TUSC3: variants seen among roughly 807,000 people sequenced by gnomAD.
The protein encoded by TUSC3 is tumor suppressor candidate 3.
TUSC3 carries 45 observed loss-of-function variants against 44.8 expected under a neutral mutation model. That is an observed-to-expected ratio of 1.00 (90% confidence interval 0.79 to 1.29). The LOEUF is 1.29. TUSC3 is among the 50% of genes most tolerant of loss of function. The probability of loss-of-function intolerance (pLI) is 0.00; values close to 1 mark genes in which losing one functional copy is unlikely to be tolerated. For missense variants in TUSC3, 519 were observed against 437.9 expected, an observed-to-expected ratio of 1.19 and a Z score of -1.65; for synonymous variants, 212 against 152.9, an observed-to-expected ratio of 1.39 and a Z score of -2.85.
intron 6 of TUSC3, among the ~76,000 whole-genome samples, chr8:15,697,923 A>T (rs926919480): frequency 1.3e-5 from 2 of 152,226 alleles, no homozygotes; most frequent in South Asian, 2.1e-4. Flanking sequence ...AAATTACCTT[A>T]TACAGATTAT....
intron 8 of TUSC3, among the ~76,000 whole-genome samples, chr8:15,746,054 G>C (rs73197186): frequency 6.6e-6 from 1 of 151,904 alleles, no homozygotes; most frequent in Non-Finnish European, 1.5e-5. Flanking sequence ...CAACTTTGTT[G>C]AAGATCAGAT....
intron 1 of TUSC3, among the ~76,000 whole-genome samples, chr8:15,541,334 G>A (rs77443392): frequency 0.017 from 2,616 of 152,320 alleles, 65 homozygotes; most frequent in African/African-American, 0.059. Flanking sequence ...ATCATGGATA[G>A]TTGATCTAGC....
chr8:15,692,381 T>G (rs752282512), intron 6 of TUSC3, among the ~76,000 whole-genome samples: 13,928 of 128,810 alleles, frequency 0.11, 731 homozygotes, highest in East Asian at 0.15. Flanking sequence ...CTTTGTTTTT[T>G]TTTTTTTTTT....
the TUSC3 span, among the ~76,000 whole-genome samples, chr8:15,805,975 A>G: frequency 3.9e-4 from 60 of 152,304 alleles, no homozygotes; most frequent in African/African-American, 1.4e-3. Context: ...TACAAAAACA[A>G]AAAATCAGTT....
downstream of TUSC3, among the ~76,000 whole-genome samples, chr8:15,767,254 G>C (rs1172793782): frequency 6.6e-6 from 1 of 151,868 alleles, no homozygotes; most frequent in East Asian, 1.9e-4. Context: ...CATATACCAA[G>C]GGTCCAACTA....
At chr8:15,433,247 T>A (rs1585786639) in intron 1 of TUSC3, among the ~76,000 whole-genome samples, 4 of 152,212 alleles carry the variant, frequency 2.6e-5, no homozygotes, top group African/African-American at 9.6e-5. Context: ...CCCATATATT[T>A]AAAAAAACAA....
intron 2 of TUSC3, among the ~76,000 whole-genome samples, chr8:15,485,664 A>G (rs1800724411): frequency 6.6e-6 from 1 of 152,166 alleles, no homozygotes. Context: ...AGTGCAGGGA[A>G]GAGTATGTGT....
intron 2 of TUSC3, among the ~76,000 whole-genome samples, chr8:15,515,897 C>G (rs1003679443): frequency 1.3e-5 from 2 of 152,008 alleles, no homozygotes; most frequent in Non-Finnish European, 2.9e-5. Flanking sequence ...TCTTGAATTC[C>G]TGACCTTGTG....
At chr8:15,584,087 T>A (rs1563303296) in intron 1 of TUSC3, among the ~76,000 whole-genome samples, 1 of 152,240 alleles carries the variant, frequency 6.6e-6, no homozygotes, top group Non-Finnish European at 1.5e-5. Flanking sequence ...GTTTTAATAT[T>A]TCTGTGGGAA....
intron 1 of TUSC3, among the ~76,000 whole-genome samples, chr8:15,593,322 G>C (rs1025878567): frequency 6.6e-6 from 1 of 152,058 alleles, no homozygotes; most frequent in Non-Finnish European, 1.5e-5. Flanking sequence ...CTGACCTCAG[G>C]TGATCCGCCC....
intron 10 of TUSC3, among the ~76,000 whole-genome samples, chr8:15,762,378 G>A (rs1242393233): frequency 7.3e-5 from 11 of 151,506 alleles, no homozygotes; most frequent in Admixed American, 7.2e-4. Context: ...GTTACACCAG[G>A]TTAAGAAAAT....
At chr8:15,811,785 A>G in the TUSC3 span, among the ~76,000 whole-genome samples, 4 of 152,146 alleles carry the variant, frequency 2.6e-5, no homozygotes, top group East Asian at 1.9e-4. Flanking sequence ...TAAAAGAACC[A>G]TCTGGGGCTT....
chr8:15,438,354 C>A (rs1165919173), intron 1 of TUSC3, among the ~76,000 whole-genome samples: 1 of 152,304 alleles, frequency 6.6e-6, no homozygotes, highest in South Asian at 2.1e-4. Context: ...CCTCGGCCCC[C>A]CAAAGTGCTG....
At chr8:15,790,539 G>T in the TUSC3 span, among the ~76,000 whole-genome samples, 2 of 152,036 alleles carry the variant, frequency 1.3e-5, no homozygotes. Flanking sequence ...GTACTAATGG[G>T]CATTGAGGGT....
chr8:15,529,160 G>C (rs955628053), intron 2 of TUSC3, among the ~76,000 whole-genome samples: 5 of 152,038 alleles, frequency 3.3e-5, no homozygotes, highest in African/African-American at 7.2e-5. Context: ...ACAAACACAA[G>C]TTCTAAAATG....
At chr8:15,458,349 C>T (rs767884882) in intron 1 of TUSC3, among the ~76,000 whole-genome samples, 1 of 152,106 alleles carries the variant, frequency 6.6e-6, no homozygotes, top group Non-Finnish European at 1.5e-5. Context: ...AACAATCCTC[C>T]CACCTCAGTC....
intron 8 of TUSC3, among the ~76,000 whole-genome samples, chr8:15,747,754 G>C (rs972694509): frequency 3.3e-5 from 5 of 151,992 alleles, no homozygotes; most frequent in African/African-American, 1.2e-4. Context: ...CAGTTTCTTT[G>C]TAAGACAAAC....
rs146477068 is a variant in TUSC3 at position 15,620,360 on chromosome 8, A to G, written c.139-2720A>G. ...GCATTTTGTTTAAAAGATTTTTTCC[A>G]GAATATTTGTAATGGGAAAATTACA... On this transcript the variant is annotated intron_variant, in intron 1 of 10. Transcript: ENST00000503731. Among the ~76,000 whole-genome samples, 26 of 152,336 alleles carry G rather than the reference A, an allele frequency of 1.7e-4. No individual in the cohort carries two copies. In the East Asian group the frequency reaches 4.6e-3, roughly 27 times the overall value.
the TUSC3 span, among the ~76,000 whole-genome samples, chr8:15,838,903 T>G: frequency 6.6e-6 from 1 of 152,172 alleles, no homozygotes; most frequent in Non-Finnish European, 1.5e-5. Context: ...GGAAAGTCAT[T>G]GGTAGCTCAA....
Sources: allele counts gnomAD v4.1 joint callset (sites outside exome capture counted in the v4.1 genomes callset), GRCh38; gene constraint gnomAD v4.1.1; transcripts MANE v1.5; gene names NCBI Gene and HGNC (gene_info 2026-07-23, HGNC 2026-07-21).